The following PRIM2 variants were observed in gnomAD, a reference collection of about 807,000 sequenced individuals.
PRIM2 encodes DNA primase subunit 2.
In PRIM2, 39 loss-of-function variants were observed where a neutral mutation model predicts 67.3. That is an observed-to-expected ratio of 0.58 (90% CI 0.45 to 0.76). The LOEUF (loss-of-function observed/expected upper bound fraction) is 0.76, where lower values mean the gene tolerates loss of function less well. PRIM2 is among the 30% of genes least tolerant of loss of function. PRIM2 has a pLI of 0.00. For synonymous variants in PRIM2, 143 were observed against 198.7 expected, an observed-to-expected ratio of 0.72 and a Z score of 2.36; for missense variants, 398 against 598.7, an observed-to-expected ratio of 0.66 and a Z score of 3.50.
At chr6:57,467,105 C>CAAAAAAAAA (rs1268292523) in intron 7 of PRIM2, among the ~76,000 whole-genome samples, 8 of 94,240 alleles carry the variant, frequency 8.5e-5, no homozygotes, top group East Asian at 3.1e-4. Flanking sequence ...AACTCCATCT[C>CAAAAAAAAA]AAAAAAAAAA....
At chr6:57,613,734 G>A (rs1776704913) in intron 12 of PRIM2, among the ~76,000 whole-genome samples, 1 of 152,188 alleles carries the variant, frequency 6.6e-6, no homozygotes, top group Non-Finnish European at 1.5e-5. Flanking sequence ...TGAAGGCCAG[G>A]TACTACCTGC....
At chr6:57,642,371 A>T (rs1366165830) in intron 13 of PRIM2, among the ~76,000 whole-genome samples, 1 of 151,466 alleles carries the variant, frequency 6.6e-6, no homozygotes, top group Non-Finnish European at 1.5e-5. Context: ...TTTAAGTATA[A>T]TTTAAAAAAT....
the PRIM2 span, among the ~76,000 whole-genome samples, chr6:57,294,013 T>A: frequency 6.6e-6 from 1 of 152,154 alleles, no homozygotes. Context: ...TTTGTGATAA[T>A]GAAAATCTAG....
intron 5 of PRIM2, among the ~76,000 whole-genome samples, chr6:57,339,254 C>T (rs1433233984): frequency 6.6e-6 from 1 of 152,132 alleles, no homozygotes; most frequent in Non-Finnish European, 1.5e-5. Flanking sequence ...TAGGAAGAAT[C>T]AATATCGTGA....
intron 7 of PRIM2, among the ~76,000 whole-genome samples, chr6:57,494,655 G>T (rs1208832628): frequency 6.6e-6 from 1 of 152,098 alleles, no homozygotes; most frequent in African/African-American, 2.4e-5. Context: ...AGTGATCTAG[G>T]TGGCTACTTG....
At chr6:57,516,897 C>T (rs1480683085) in intron 8 of PRIM2, among the ~76,000 whole-genome samples, 9 of 152,120 alleles carry the variant, frequency 5.9e-5, no homozygotes, top group African/African-American at 1.9e-4. Context: ...CATGATGACT[C>T]TTGGCATAGT....
intron 7 of PRIM2, among the ~76,000 whole-genome samples, chr6:57,452,825 A>G (rs1489421737): frequency 6.6e-6 from 1 of 152,140 alleles, no homozygotes; most frequent in African/African-American, 2.4e-5. Flanking sequence ...TTCTGTTGCC[A>G]TTGCTTTTGG....
At chr6:57,313,370 T>C (rs1204096544), upstream of PRIM2, among the ~76,000 whole-genome samples, 3 of 152,210 alleles carry the variant, frequency 2.0e-5, no homozygotes, top group Non-Finnish European at 4.4e-5. Flanking sequence ...AGCAGGATTT[T>C]TTGGCTCTCT....
intron 7 of PRIM2, among the ~76,000 whole-genome samples, chr6:57,486,240 GAGGGT>G (rs1447843395): frequency 6.6e-6 from 1 of 152,200 alleles, no homozygotes; most frequent in Non-Finnish European, 1.5e-5. Flanking sequence ...ACTGTATATG[GAGGGT>G]AGTAAGGAGT....
the PRIM2 span, among the ~76,000 whole-genome samples, chr6:57,233,601 C>A: frequency 2.3e-5 from 3 of 133,198 alleles, no homozygotes; most frequent in Non-Finnish European, 4.8e-5. Context: ...CCCTCCTCCC[C>A]CTCCCTCCCT....
intron 12 of PRIM2, among the ~76,000 whole-genome samples, chr6:57,610,012 A>G (rs1237484181): frequency 1.3e-5 from 2 of 152,174 alleles, no homozygotes; most frequent in East Asian, 3.8e-4. Flanking sequence ...CCATGTGGTT[A>G]TTTTTATCTC....
At chr6:57,280,469 A>G in the PRIM2 span, among the ~76,000 whole-genome samples, 10 of 152,198 alleles carry the variant, frequency 6.6e-5, 1 homozygote, top group African/African-American at 2.4e-4. Flanking sequence ...CAGTTCCTGT[A>G]GGTCCTTCCC....
intron 5 of PRIM2, among the ~76,000 whole-genome samples, chr6:57,342,422 TTAA>T (rs1768524893): frequency 6.8e-6 from 1 of 146,548 alleles, no homozygotes; most frequent in Non-Finnish European, 1.5e-5. Flanking sequence ...ACAGATTCTA[TTAA>T]TGTTTCTTCA....
At chr6:57,466,447 A>G (rs1364274123) in intron 7 of PRIM2, among the ~76,000 whole-genome samples, 3 of 152,202 alleles carry the variant, frequency 2.0e-5, no homozygotes, top group African/African-American at 7.2e-5. Flanking sequence ...AACAGTGTAA[A>G]AGCGTTCCTA....
chr6:57,512,857 A>G (rs1414502300), intron 8 of PRIM2, among the ~76,000 whole-genome samples: 3 of 152,148 alleles, frequency 2.0e-5, no homozygotes, highest in East Asian at 3.9e-4. Flanking sequence ...TCGGCCTCCC[A>G]AAGTGTTGGG....
chr6:57,468,840 A>G, intron 7 of PRIM2, among the ~76,000 whole-genome samples: 1 of 152,236 alleles, frequency 6.6e-6, no homozygotes, highest in Non-Finnish European at 1.5e-5. Context: ...GGGGATTTAT[A>G]GAACCATTTC....
the PRIM2 span, among the ~76,000 whole-genome samples, chr6:57,245,758 A>G: frequency 2.6e-5 from 4 of 152,218 alleles, no homozygotes; most frequent in Non-Finnish European, 4.4e-5. Context: ...GTGCCTGCAG[A>G]TGTAAAGGTT....
the PRIM2 span, among the ~76,000 whole-genome samples, chr6:57,241,314 C>T: frequency 6.6e-5 from 10 of 151,864 alleles, no homozygotes; most frequent in South Asian, 1.9e-3. Flanking sequence ...GAGGCTGAGA[C>T]TGGAGGATCA....
intron 7 of PRIM2, among the ~76,000 whole-genome samples, chr6:57,390,814 C>CCA (rs1770316886): frequency 6.6e-6 from 1 of 152,120 alleles, no homozygotes; most frequent in Non-Finnish European, 1.5e-5. Flanking sequence ...GATTCCATGT[C>CCA]TTTGCTATTG....
Sources: allele counts gnomAD v4.1 joint callset (sites outside exome capture counted in the v4.1 genomes callset), GRCh38; gene constraint gnomAD v4.1.1; transcripts MANE v1.5; gene names NCBI Gene and HGNC (gene_info 2026-07-23, HGNC 2026-07-21).